Variants in ATXN7L1 observed in about 807,000 individuals in gnomAD.
ATXN7L1 encodes ataxin-7-like protein 1.
Under a neutral mutation model 70.8 loss-of-function variants are expected in ATXN7L1, and 15 were observed. That is an observed-to-expected ratio of 0.21 (90% CI 0.14 to 0.33). The LOEUF is 0.33. ATXN7L1 is among the 10% of genes least tolerant of loss of function. The pLI is 1.00. For synonymous variants in ATXN7L1, 440 were observed against 445.1 expected (o/e 0.99, Z 0.14); for missense variants, 975 against 1,097.1 (o/e 0.89, Z 1.57).
chr7:105,697,916 C>T (rs1057121511), intron 3 of ATXN7L1, among the ~76,000 whole-genome samples: 6 of 152,168 alleles, frequency 3.9e-5, no homozygotes, highest in Admixed American at 6.5e-5. Flanking sequence ...CTCCTCCGAG[C>T]GAAGGCAGCT....
intron 3 of ATXN7L1, among the ~76,000 whole-genome samples, chr7:105,725,560 C>T (rs532336340): frequency 7.9e-5 from 12 of 151,144 alleles, no homozygotes; most frequent in Admixed American, 4.6e-4. Context: ...ACATACATTG[C>T]GAGCAACTTT....
intron 2 of ATXN7L1, among the ~76,000 whole-genome samples, chr7:105,869,424 T>C (rs1393971089): frequency 6.6e-6 from 1 of 152,176 alleles, no homozygotes; most frequent in Non-Finnish European, 1.5e-5. Context: ...CAGTTTCCCA[T>C]AAATCTCCAT....
intron 3 of ATXN7L1, among the ~76,000 whole-genome samples, chr7:105,689,094 G>A (rs1300848682): frequency 6.6e-6 from 1 of 152,190 alleles, no homozygotes; most frequent in African/African-American, 2.4e-5. Flanking sequence ...GGAATTCACT[G>A]GTCTCTAGGT....
At chr7:105,711,067 T>C (rs1306614783) in intron 3 of ATXN7L1, among the ~76,000 whole-genome samples, 4 of 152,196 alleles carry the variant, frequency 2.6e-5, no homozygotes, top group Non-Finnish European at 5.9e-5. Context: ...GCCCCCATGA[T>C]TGAATTATCT....
At chr7:105,713,744 C>T (rs1026231947) in intron 3 of ATXN7L1, among the ~76,000 whole-genome samples, 4 of 152,258 alleles carry the variant, frequency 2.6e-5, no homozygotes, top group African/African-American at 9.6e-5. Context: ...GGATGACACA[C>T]ATGCACCCTC....
At chr7:105,798,165 C>T (rs567747805) in intron 2 of ATXN7L1, among the ~76,000 whole-genome samples, 33 of 152,184 alleles carry the variant, frequency 2.2e-4, no homozygotes, top group Admixed American at 7.2e-4. Flanking sequence ...CCAGGTGAGC[C>T]GTCAGTGGAG....
intron 7 of ATXN7L1, among the ~76,000 whole-genome samples, chr7:105,629,194 A>T (rs1264585812): frequency 6.6e-6 from 1 of 152,160 alleles, no homozygotes; most frequent in East Asian, 1.9e-4. Context: ...ATTATTAACT[A>T]GAGTCACCAT....
intron 4 of ATXN7L1, among the ~76,000 whole-genome samples, chr7:105,647,636 A>T (rs1176501947): frequency 6.6e-6 from 1 of 152,216 alleles, no homozygotes; most frequent in Non-Finnish European, 1.5e-5. Context: ...ACAGAGCGAG[A>T]CTCCGTCTCA....
intron 3 of ATXN7L1, among the ~76,000 whole-genome samples, chr7:105,712,393 C>T (rs1328391989): frequency 2.0e-5 from 3 of 152,176 alleles, no homozygotes; most frequent in African/African-American, 7.2e-5. Flanking sequence ...TCTTTTCTAC[C>T]ACATGGCTGG....
At chr7:105,759,352 C>CA (rs1305480906) in intron 3 of ATXN7L1, among the ~76,000 whole-genome samples, 2 of 151,774 alleles carry the variant, frequency 1.3e-5, no homozygotes, top group African/African-American at 4.8e-5. Flanking sequence ...GATTCATACA[C>CA]AAACAGACCA....
chr7:105,704,273 G>T (rs1792847111), intron 3 of ATXN7L1, among the ~76,000 whole-genome samples: 1 of 152,152 alleles, frequency 6.6e-6, no homozygotes, highest in East Asian at 1.9e-4. Context: ...CTCATGAAGT[G>T]CCTGCCCACA....
chr7:105,822,870 T>C (rs1810356882), intron 2 of ATXN7L1, among the ~76,000 whole-genome samples: 1 of 152,216 alleles, frequency 6.6e-6, no homozygotes, highest in African/African-American at 2.4e-5. Context: ...ATTCTAGTTA[T>C]TTTTAGCTTG....
intron 3 of ATXN7L1, among the ~76,000 whole-genome samples, chr7:105,751,590 C>G (rs1161363069): frequency 1.3e-5 from 2 of 151,900 alleles, no homozygotes; most frequent in Non-Finnish European, 2.9e-5. Context: ...AAGCTGTGAT[C>G]TTGCCATTGC....
chr7:105,679,849 T>C (rs1047619246), intron 3 of ATXN7L1, among the ~76,000 whole-genome samples: 9 of 151,988 alleles, frequency 5.9e-5, no homozygotes, highest in Admixed American at 1.3e-4. Flanking sequence ...TTGCACAACA[T>C]TGTGAAGGTA....
chr7:105,795,519 C>T (rs1805857800), intron 2 of ATXN7L1, among the ~76,000 whole-genome samples: 1 of 152,080 alleles, frequency 6.6e-6, no homozygotes. Flanking sequence ...TGAATTTGCC[C>T]CTGGATACCT....
chr7:105,633,668 C>T (rs554024454), intron 7 of ATXN7L1, among the ~76,000 whole-genome samples: 250 of 152,124 alleles, frequency 1.6e-3, no homozygotes, highest in African/African-American at 5.7e-3. Flanking sequence ...TGCCATGAGC[C>T]GAGATCAAGA....
chr7:105,623,770 T>A (rs531184958), intron 8 of ATXN7L1, among the ~76,000 whole-genome samples: 1 of 152,244 alleles, frequency 6.6e-6, no homozygotes. Flanking sequence ...ACAGAAACAC[T>A]ATTTCTCACG....
chr7:105,864,184 G>T (rs555783288), intron 2 of ATXN7L1, among the ~76,000 whole-genome samples: 368 of 152,122 alleles, frequency 2.4e-3, no homozygotes, highest in African/African-American at 8.4e-3. Context: ...GGTCAGGTGT[G>T]GTGGCTCACA....
At chr7:105,833,582 A>G (rs1343907338) in intron 2 of ATXN7L1, among the ~76,000 whole-genome samples, 1 of 150,906 alleles carries the variant, frequency 6.6e-6, no homozygotes, top group Non-Finnish European at 1.5e-5. Context: ...GTAATGTTCT[A>G]TATCTTAATA....
Sources: gnomAD v4.1 joint callset for allele counts (sites outside exome capture counted in the v4.1 genomes callset) on GRCh38, gnomAD v4.1.1 for gene constraint, MANE v1.5 for transcripts, NCBI Gene and HGNC (gene_info 2026-07-23, HGNC 2026-07-21) for gene names.